The following PRICKLE1 variants were observed in gnomAD, a reference collection of about 807,000 sequenced individuals.
PRICKLE1 encodes prickle-like protein 1.
PRICKLE1 carries 14 observed loss-of-function variants against 70.2 expected under a neutral mutation model. The observed-to-expected ratio is 0.20, with a 90% CI of 0.13 to 0.31. The LOEUF (loss-of-function observed/expected upper bound fraction) is 0.31, where lower values mean the gene tolerates loss of function less well. PRICKLE1 is among the 10% of genes least tolerant of loss of function. The pLI is 1.00. For synonymous variants in PRICKLE1, 357 were observed against 379.9 expected, an observed-to-expected ratio of 0.94 and a Z score of 0.70; for missense variants, 821 against 1,026.2, an observed-to-expected ratio of 0.80 and a Z score of 2.73.
chr12:42,535,482 T>G (rs757265471), intron 1 of PRICKLE1, among the ~76,000 whole-genome samples: 2 of 152,124 alleles, frequency 1.3e-5, no homozygotes, highest in Non-Finnish European at 2.9e-5. Flanking sequence ...CAAAGGCCAG[T>G]GTTAGCCAAA....
At chr12:42,520,089 C>T (rs142152571) in intron 1 of PRICKLE1, among the ~76,000 whole-genome samples, 1,542 of 152,254 alleles carry the variant, frequency 0.01, 10 homozygotes, top group Non-Finnish European at 0.015. Flanking sequence ...CTTATATGTT[C>T]CATTCTGCTC....
intron 1 of PRICKLE1, chr12:42,484,117 G>T (rs1243940259): frequency 7.3e-6 from 1 of 137,474 alleles, no homozygotes; most frequent in East Asian, 2.3e-4. Flanking sequence ...GCTCCCGCCC[G>T]CGGGCGGCGC....
chr12:42,475,668 A>G (rs557517771), intron 1 of PRICKLE1, among the ~76,000 whole-genome samples: 1 of 152,318 alleles, frequency 6.6e-6, no homozygotes, highest in South Asian at 2.1e-4. Flanking sequence ...TAAAAATTCA[A>G]TGGCCTCATG....
At chr12:42,547,980 C>T (rs1035325081) in intron 1 of PRICKLE1, among the ~76,000 whole-genome samples, 1 of 152,088 alleles carries the variant, frequency 6.6e-6, no homozygotes, top group Non-Finnish European at 1.5e-5. Flanking sequence ...ATACACATAG[C>T]CTGAAAGTAA....
intron 1 of PRICKLE1, among the ~76,000 whole-genome samples, chr12:42,495,311 G>A (rs904492115): frequency 6.6e-6 from 1 of 150,930 alleles, no homozygotes; most frequent in Non-Finnish European, 1.5e-5. Context: ...ACTTGAGCCT[G>A]GGAGACAGAG....
chr12:42,484,528 C>T (rs1030346158), intron 1 of PRICKLE1: 1 of 152,152 alleles, frequency 6.6e-6, no homozygotes, highest in Non-Finnish European at 1.5e-5. Context: ...TAGGACTTTC[C>T]CTGCATTTCG....
chr12:42,470,368 G>C lies in PRICKLE1; in HGVS notation c.133-9C>G. 6.5e-7 allele frequency: 1 copy of C among 1,542,742 alleles called. No individual in the cohort carries two copies. The highest frequency in any genetic ancestry group is 9.0e-7 in the Non-Finnish European group (1 of 1,115,040). On this transcript the variant is annotated splice_polypyrimidine_tract_variant and intron_variant, in intron 2 of 7. Coordinates refer to ENST00000345127, the MANE Select transcript of PRICKLE1 (RefSeq NM_153026.3). ...GCAAAATAGAGCTGGATCTGCAAAA[G>C]AGACAGTGAGAATGGCATCAACATA...
chr12:42,533,549 TTAAA>T (rs1373154759), intron 1 of PRICKLE1, among the ~76,000 whole-genome samples: 2 of 152,326 alleles, frequency 1.3e-5, no homozygotes, highest in Admixed American at 6.5e-5. Flanking sequence ...TCATTGCCTG[TTAAA>T]TAACCATTTG....
At chr12:42,559,660 C>T (rs1422873605) in intron 1 of PRICKLE1, among the ~76,000 whole-genome samples, 6 of 140,816 alleles carry the variant, frequency 4.3e-5, no homozygotes, top group East Asian at 4.2e-4. Flanking sequence ...ATGGGGGCCT[C>T]ATTATATTGC....
At chr12:42,489,254 G>A (rs1024584079) in intron 1 of PRICKLE1, among the ~76,000 whole-genome samples, 9 of 151,614 alleles carry the variant, frequency 5.9e-5, no homozygotes, top group Non-Finnish European at 1.2e-4. Flanking sequence ...ATAGGGTCTG[G>A]AGCTGTCACC....
At chr12:42,490,793 G>T in intron 1 of PRICKLE1, among the ~76,000 whole-genome samples, 1 of 152,106 alleles carries the variant, frequency 6.6e-6, no homozygotes, top group East Asian at 1.9e-4. Flanking sequence ...GCTCTCACTT[G>T]GAATTGCCAT....
rs1274288454 is a variant in PRICKLE1, at chr12:42,458,966, A to C, written c.*843T>G. On this transcript the variant is annotated 3_prime_UTR_variant, in exon 8 of 8. Coordinates refer to ENST00000345127, the MANE Select transcript of PRICKLE1 (RefSeq NM_153026.3). ...CACCATGCATACAGAGCCTTTTTTA[A>C]TATTGGAAAAAAAAATCAAAAAAAG... is the stretch of plus-strand genomic sequence containing the variant. 5 of 264,808 alleles carry C rather than the reference A, an allele frequency of 1.9e-5. No individual in the cohort carries two copies. In the Admixed American group the frequency reaches 2.3e-4, roughly 12 times the overall value. The allele number at this position is 264,808 out of a possible 1,614,324, so 16.4% of individuals were successfully genotyped here.
chr12:42,479,339 G>A lies in PRICKLE1; in HGVS notation c.-48-6775C>T, dbSNP rs151163939. On this transcript the variant is annotated intron_variant, in intron 1 of 7. Transcript: ENST00000345127. ...ATTGACCAACGTTTCCAGCTGCTTC[G>A]GTAGCAGCTTCTAACCAGTCCCCAC... Among the ~76,000 whole-genome samples the A allele has an allele frequency of 4.6e-3, 695 of 152,302 alleles. 9 individuals carry two copies. The highest frequency in any genetic ancestry group is 0.016 in the African/African-American group (647 of 41,558).
rs1165796750 is a variant in PRICKLE1 at position 42,471,953 on chromosome 12, A to G, written c.132+432T>C. Among the ~76,000 whole-genome samples, 3 of 152,258 alleles carry G rather than the reference A, an allele frequency of 2.0e-5. No homozygotes were observed. The South Asian group carries it at 6.2e-4, about 31-fold the overall frequency. On this transcript the variant is annotated intron_variant, in intron 2 of 7. Coordinates refer to ENST00000345127, the MANE Select transcript of PRICKLE1 (RefSeq NM_153026.3). ...AGTAACACTTCAGAGGGTTTCTGAT[A>G]GCTCACTATCTCGCTTCCAAAGCAA...
At chr12:42,476,491 T>C (rs1938540703) in intron 1 of PRICKLE1, among the ~76,000 whole-genome samples, 2 of 151,894 alleles carry the variant, frequency 1.3e-5, no homozygotes, top group Non-Finnish European at 2.9e-5. Context: ...TAATTTTGTA[T>C]TTTTAGTAGA....
At chr12:42,521,656 G>A (rs1939710664) in intron 1 of PRICKLE1, among the ~76,000 whole-genome samples, 1 of 151,706 alleles carries the variant, frequency 6.6e-6, no homozygotes, top group Non-Finnish European at 1.5e-5. Flanking sequence ...AGCTGAGATT[G>A]CACCACTGCA....
At chr12:42,496,771 C>A (rs998525108) in intron 1 of PRICKLE1, among the ~76,000 whole-genome samples, 2 of 152,132 alleles carry the variant, frequency 1.3e-5, no homozygotes, top group South Asian at 2.1e-4. Context: ...TCTTCTGTAG[C>A]TTCCTCACCT....
At position 42,581,793 on chromosome 12, in the gene PRICKLE1, C is replaced by T. The variant is rs138660582; in HGVS notation, c.-49+7672G>A. Among the ~76,000 whole-genome samples the T allele has an allele frequency of 3.1e-3, 470 of 151,804 alleles. 2 individuals are homozygous for T. The highest frequency in any genetic ancestry group is 0.01 in the African/African-American group (419 of 41,424). Reference sequence around the variant, plus strand: ...GAACTAAAGCAAAGAAGCCAGTGTCCACAGGCAGCATAAACAGTAACAAAA... The same window carrying T: ...GAACTAAAGCAAAGAAGCCAGTGTCTACAGGCAGCATAAACAGTAACAAAA... On this transcript the variant is annotated intron_variant, in intron 1 of 7. Transcript: ENST00000345127.
chr12:42,570,435 T>C (rs184785710), intron 1 of PRICKLE1, among the ~76,000 whole-genome samples: 135 of 152,290 alleles, frequency 8.9e-4, no homozygotes, highest in African/African-American at 3.2e-3. Flanking sequence ...AGAAAACACC[T>C]AGTTTATTCA....
Sources: allele counts gnomAD v4.1 joint callset (sites outside exome capture counted in the v4.1 genomes callset), GRCh38; gene constraint gnomAD v4.1.1; transcripts MANE v1.5; gene names NCBI Gene and HGNC (gene_info 2026-07-23, HGNC 2026-07-21).